SCHIP1: variants seen among roughly 807,000 people sequenced by gnomAD.
SCHIP1 encodes the protein schwannomin-interacting protein 1.
Under a neutral mutation model 29.7 loss-of-function variants are expected in SCHIP1, and 8 were observed. That is an observed-to-expected ratio of 0.27 (90% confidence interval 0.16 to 0.49). SCHIP1 has a LOEUF of 0.49. SCHIP1 is among the 20% of genes least tolerant of loss of function. The probability of loss-of-function intolerance (pLI) is 0.99; values close to 1 mark genes in which losing one functional copy is unlikely to be tolerated. For missense variants in SCHIP1, 193 were observed against 294.6 expected, an observed-to-expected ratio of 0.66 and a Z score of 2.52; for synonymous variants, 76 against 94.9, an observed-to-expected ratio of 0.80 and a Z score of 1.16.
At chr3:159,804,596 T>G in the SCHIP1 span, among the ~76,000 whole-genome samples, 1 of 152,182 alleles carries the variant, frequency 6.6e-6, no homozygotes, top group Non-Finnish European at 1.5e-5. Context: ...TAAAGTTTAT[T>G]AAATAGTAGC....
At chr3:159,697,059 C>T in the SCHIP1 span, among the ~76,000 whole-genome samples, 1 of 152,070 alleles carries the variant, frequency 6.6e-6, no homozygotes, top group Non-Finnish European at 1.5e-5. Flanking sequence ...TCAGACATGC[C>T]TTTTAGAGTG....
the SCHIP1 span, among the ~76,000 whole-genome samples, chr3:159,834,179 C>G: frequency 2.6e-5 from 4 of 152,148 alleles, no homozygotes; most frequent in Non-Finnish European, 4.4e-5. Context: ...TTATTGAGAA[C>G]CAGGTACTAT....
chr3:159,550,557 C>T, the SCHIP1 span, among the ~76,000 whole-genome samples: 4 of 152,084 alleles, frequency 2.6e-5, no homozygotes, highest in Non-Finnish European at 4.4e-5. Flanking sequence ...GTTTGCATGG[C>T]ATTAATTTCA....
the SCHIP1 span, among the ~76,000 whole-genome samples, chr3:159,806,482 G>T: frequency 6.6e-6 from 1 of 152,160 alleles, no homozygotes; most frequent in African/African-American, 2.4e-5. Context: ...GTTTTGTTTT[G>T]CTCTTAATTG....
chr3:159,492,028 C>T, the SCHIP1 span, among the ~76,000 whole-genome samples: 6 of 152,302 alleles, frequency 3.9e-5, no homozygotes, highest in South Asian at 2.1e-4. Flanking sequence ...AACAGACCTG[C>T]GGCTGAAGGT....
the SCHIP1 span, among the ~76,000 whole-genome samples, chr3:159,477,758 T>C: frequency 6.6e-6 from 1 of 152,160 alleles, no homozygotes; most frequent in East Asian, 1.9e-4. Context: ...TTTCCTTTGC[T>C]GTGCAAAAAC....
the SCHIP1 span, among the ~76,000 whole-genome samples, chr3:159,556,241 T>C: frequency 6.6e-6 from 1 of 152,018 alleles, no homozygotes; most frequent in Non-Finnish European, 1.5e-5. Flanking sequence ...CCAGTTAGAA[T>C]GGCAATCATT....
chr3:159,835,283 G>T (rs536425904), upstream of SCHIP1, among the ~76,000 whole-genome samples: 9 of 152,256 alleles, frequency 5.9e-5, no homozygotes, highest in African/African-American at 2.2e-4. Flanking sequence ...ATATCCTCAG[G>T]CCATCTGAGC....
the SCHIP1 span, among the ~76,000 whole-genome samples, chr3:159,781,644 A>G: frequency 1.3e-5 from 2 of 152,268 alleles, no homozygotes; most frequent in Non-Finnish European, 2.9e-5. Context: ...TATGGAGTAC[A>G]GAGAGGAGTG....
the SCHIP1 span, among the ~76,000 whole-genome samples, chr3:159,493,225 T>C: frequency 5.1e-4 from 78 of 152,320 alleles, no homozygotes; most frequent in Non-Finnish European, 9.1e-4. Context: ...AACATCATAA[T>C]GACAGGATCA....
At chr3:159,328,772 T>C in the SCHIP1 span, among the ~76,000 whole-genome samples, 1 of 152,080 alleles carries the variant, frequency 6.6e-6, no homozygotes, top group African/African-American at 2.4e-5. Context: ...AGCGAATGGT[T>C]TTAAACAAGA....
chr3:159,460,977 A>G, the SCHIP1 span, among the ~76,000 whole-genome samples: 2 of 152,130 alleles, frequency 1.3e-5, no homozygotes, highest in African/African-American at 4.8e-5. Context: ...TACAAATGCC[A>G]TGGACCTTTC....
At chr3:159,286,251 T>C in the SCHIP1 span, among the ~76,000 whole-genome samples, 2 of 152,112 alleles carry the variant, frequency 1.3e-5, no homozygotes. Context: ...TAGGCCCTGG[T>C]GTCTGTTGTT....
chr3:159,788,131 G>A, the SCHIP1 span, among the ~76,000 whole-genome samples: 1 of 152,094 alleles, frequency 6.6e-6, no homozygotes, highest in African/African-American at 2.4e-5. Context: ...TGAGTGAGCT[G>A]GCCCCACAGA....
chr3:159,622,247 C>T, the SCHIP1 span, among the ~76,000 whole-genome samples: 13 of 152,308 alleles, frequency 8.5e-5, no homozygotes, highest in Admixed American at 6.5e-4. Context: ...TGACCAGAAA[C>T]GAATGGGGCC....
the SCHIP1 span, among the ~76,000 whole-genome samples, chr3:159,637,900 AGAATT>A: frequency 6.6e-6 from 1 of 152,344 alleles, no homozygotes. Flanking sequence ...TTATGCCCAT[AGAATT>A]AAGACTGAAA....
At chr3:159,892,499 C>T in intron 6 of SCHIP1, 1 of 548,372 alleles carries the variant, frequency 1.8e-6, no homozygotes, top group African/African-American at 1.9e-5. Flanking sequence ...CCCTGGGAAG[C>T]TGGGCATAAG....
At chr3:159,454,202 T>G in the SCHIP1 span, among the ~76,000 whole-genome samples, 1 of 152,220 alleles carries the variant, frequency 6.6e-6, no homozygotes, top group African/African-American at 2.4e-5. Flanking sequence ...CCCCCGAAGA[T>G]TCTGATACAA....
chr3:159,832,458 A>G, the SCHIP1 span, among the ~76,000 whole-genome samples: 9 of 151,920 alleles, frequency 5.9e-5, no homozygotes, highest in African/African-American at 1.9e-4. Context: ...TACATTGGCA[A>G]CCTCTCCAAG....
Sources: allele counts gnomAD v4.1 joint callset (sites outside exome capture counted in the v4.1 genomes callset), GRCh38; gene constraint gnomAD v4.1.1; transcripts MANE v1.5; gene names NCBI Gene and HGNC (gene_info 2026-07-23, HGNC 2026-07-21).